Variants in PPM1L observed in about 807,000 individuals in gnomAD.
PPM1L encodes protein phosphatase, Mg2+/Mn2+ dependent 1L.
Under a neutral mutation model 31.4 loss-of-function variants are expected in PPM1L, and 13 were observed. That is an observed-to-expected ratio of 0.41 (90% confidence interval 0.27 to 0.66). PPM1L has a LOEUF of 0.66. Among genes scored for constraint, PPM1L ranks in the 30% least tolerant of loss-of-function variants. The pLI, the probability that PPM1L is intolerant of heterozygous loss-of-function variation, is 0.29. For synonymous variants in PPM1L, 184 were observed against 175.4 expected, an observed-to-expected ratio of 1.05 and a Z score of -0.39; for missense variants, 326 against 453.7, an observed-to-expected ratio of 0.72 and a Z score of 2.56.
intron 1 of PPM1L, among the ~76,000 whole-genome samples, chr3:160,871,451 G>A (rs960955484): frequency 1.3e-5 from 2 of 152,120 alleles, no homozygotes; most frequent in Non-Finnish European, 2.9e-5. Context: ...CAAAATAAAA[G>A]GAAATTATTT....
chr3:160,834,591 T>C (rs1484947733), intron 1 of PPM1L, among the ~76,000 whole-genome samples: 1 of 151,826 alleles, frequency 6.6e-6, no homozygotes, highest in Non-Finnish European at 1.5e-5. Flanking sequence ...CTTCCTGGAA[T>C]CCACTAATCT....
At chr3:161,058,118 C>CTTTTTTTTCTTT (rs1719466016) in intron 2 of PPM1L, among the ~76,000 whole-genome samples, 1 of 54,922 alleles carries the variant, frequency 1.8e-5, no homozygotes, top group African/African-American at 6.0e-5. Flanking sequence ...ATTTTCTTTC[C>CTTTTTTTTCTTT]TTTTTTTTTT....
chr3:160,882,986 A>G (rs532063080), intron 1 of PPM1L, among the ~76,000 whole-genome samples: 2 of 152,332 alleles, frequency 1.3e-5, no homozygotes, highest in African/African-American at 4.8e-5. Flanking sequence ...GACACTAAAT[A>G]TAGTAAACCT....
At chr3:160,807,315 C>T (rs556354400) in intron 1 of PPM1L, among the ~76,000 whole-genome samples, 3 of 152,298 alleles carry the variant, frequency 2.0e-5, no homozygotes, top group Non-Finnish European at 4.4e-5. Context: ...ATATTGCTGA[C>T]AAGTTATTAA....
chr3:160,880,802 G>A (rs74597297), intron 1 of PPM1L, among the ~76,000 whole-genome samples: 4,630 of 152,136 alleles, frequency 0.03, 186 homozygotes, highest in African/African-American at 0.09. Flanking sequence ...CTTGAGCAGG[G>A]ACAAGTTAGA....
chr3:161,037,581 ATTTTTT>A (rs58432151), intron 2 of PPM1L, among the ~76,000 whole-genome samples: 1 of 119,720 alleles, frequency 8.4e-6, no homozygotes, highest in African/African-American at 3.3e-5. Flanking sequence ...TGCCCGGCTA[ATTTTTT>A]TTTTTTTTTT....
At chr3:160,997,348 C>T (rs567748910) in intron 2 of PPM1L, among the ~76,000 whole-genome samples, 9 of 152,288 alleles carry the variant, frequency 5.9e-5, no homozygotes, top group African/African-American at 2.2e-4. Context: ...GAGGTGGACT[C>T]TGTTCCTCAC....
intron 1 of PPM1L, among the ~76,000 whole-genome samples, chr3:160,931,041 T>C (rs1032528848): frequency 6.6e-6 from 1 of 152,218 alleles, no homozygotes; most frequent in African/African-American, 2.4e-5. Context: ...TTAAAATGCA[T>C]TTCTAAGCTG....
At chr3:160,839,120 C>T (rs1181260537) in intron 1 of PPM1L, among the ~76,000 whole-genome samples, 1 of 152,172 alleles carries the variant, frequency 6.6e-6, no homozygotes, top group Non-Finnish European at 1.5e-5. Flanking sequence ...GTGCTATGCT[C>T]TTTGACTTCC....
At chr3:160,920,284 C>T (rs970061365) in intron 1 of PPM1L, among the ~76,000 whole-genome samples, 54 of 152,234 alleles carry the variant, frequency 3.5e-4, no homozygotes, top group Middle Eastern at 3.4e-3. Context: ...CAATAAGGGC[C>T]AGGCCTCTAA....
rs868186585 is a variant in PPM1L, at chr3:160,756,654, G to A, written c.346G>A (p.Ala116Thr). The change falls in exon 1 of 4, where the codon GCC (alanine) becomes ACC (threonine). Residue 116 changes from alanine (A) to threonine (T), a missense_variant. By Grantham distance (58) the Ala-to-Thr change is moderately conservative (BLOSUM62 0). Around this residue, in one of 3 missense-constraint regions of PPM1L, gnomAD observed 83 missense variants for 79.4 expected, o/e 1.04. Transcript: ENST00000498165. This position sits in a 1 kb window ranked among gnomAD's most constrained non-coding sequence, Gnocchi z 6.2. ...EDRFEVLTDL[A>T]NKTHPSIFGI... ...CCGCTTCGAAGTTCTCACGGATCTG[G>A]CCAACAAGACGCACCCGTCCATCTT... 6.2e-7 allele frequency: 1 copy of A among 1,614,112 alleles called. No individual in the cohort carries two copies.
chr3:160,864,407 G>T lies in PPM1L; in HGVS notation c.400-97329G>T, dbSNP rs922258661. On this transcript the variant is annotated intron_variant, in intron 1 of 3. Coordinates refer to ENST00000498165, the MANE Select transcript of PPM1L (RefSeq NM_139245.4). ...GCCCAGGCTGGTCTCAAACACCTGG[G>T]CCCAAGCAGTCTGCCCACCTCAGCT... Among the ~76,000 whole-genome samples, 8 of 152,060 alleles carry T rather than the reference G, an allele frequency of 5.3e-5. No homozygotes were observed. In the East Asian group the frequency reaches 1.5e-3, roughly 29 times the overall value.
At chr3:160,983,829 A>T (rs1314733533) in intron 2 of PPM1L, among the ~76,000 whole-genome samples, 1 of 152,180 alleles carries the variant, frequency 6.6e-6, no homozygotes, top group African/African-American at 2.4e-5. Context: ...GAGACATCAC[A>T]TGTCAGCAGG....
intron 1 of PPM1L, among the ~76,000 whole-genome samples, chr3:160,877,732 G>A (rs918471485): frequency 2.6e-5 from 4 of 152,142 alleles, no homozygotes; most frequent in Non-Finnish European, 1.5e-5. Flanking sequence ...TCTGATGTAC[G>A]TAGGGTCCAA....
rs1553759537 is a variant in PPM1L at position 161,072,140 on chromosome 3, A to ACAT, written c.*2983_*2984insCAT. The ACAT allele has an allele frequency of 6.6e-6, 1 of 151,886 alleles. No individual in the cohort carries two copies. Among genetic ancestry groups the ACAT allele is most frequent in the African/African-American group, 2.4e-5 (1 of 41,274 alleles). The allele number at this position is 151,886 out of a possible 1,614,324, so 9.4% of individuals were successfully genotyped here. On this transcript the variant is annotated 3_prime_UTR_variant, in exon 4 of 4. Coordinates refer to ENST00000498165, the MANE Select transcript of PPM1L (RefSeq NM_139245.4). ...GGTTGGGGGAGGGACAGCTAGGGAA[A>ACAT]TTTTTTTTAATTAATTGTATCTAAA... is the stretch of plus-strand genomic sequence containing the variant.
At chr3:161,037,910 A>G (rs1718792441) in intron 2 of PPM1L, among the ~76,000 whole-genome samples, 1 of 152,120 alleles carries the variant, frequency 6.6e-6, no homozygotes. Flanking sequence ...TCATTTCTTC[A>G]GCAAGACTGG....
chr3:160,967,320 T>C (rs562286905), intron 2 of PPM1L, among the ~76,000 whole-genome samples: 1 of 152,160 alleles, frequency 6.6e-6, no homozygotes, highest in East Asian at 1.9e-4. Flanking sequence ...GAAAATGGAC[T>C]AATACACCCT....
At chr3:160,796,514 A>G (rs1397443422) in intron 1 of PPM1L, among the ~76,000 whole-genome samples, 2 of 152,248 alleles carry the variant, frequency 1.3e-5, no homozygotes, top group African/African-American at 4.8e-5. Flanking sequence ...TAGAAGAATC[A>G]TAAGGATGTC....
intron 1 of PPM1L, among the ~76,000 whole-genome samples, chr3:160,954,654 G>T (rs1715681582): frequency 6.6e-6 from 1 of 152,056 alleles, no homozygotes; most frequent in African/African-American, 2.4e-5. Context: ...GTGAGCCACT[G>T]TGTCCGGACT....
Sources: allele counts gnomAD v4.1 joint callset (sites outside exome capture counted in the v4.1 genomes callset), GRCh38; gene constraint gnomAD v4.1.1; regional missense constraint gnomAD v4.1.1; non-coding constraint Gnocchi (gnomAD v3.1); transcripts MANE v1.5; gene names NCBI Gene and HGNC (gene_info 2026-07-23, HGNC 2026-07-21).